The following NUP155 variants were observed in gnomAD, a reference collection of about 807,000 sequenced individuals.
NUP155 encodes the protein nucleoporin 155, also known as nuclear pore complex protein Nup155.
A neutral mutation model predicts 180.4 loss-of-function variants in NUP155; 71 were observed. That is an observed-to-expected ratio of 0.39 (90% confidence interval 0.33 to 0.48). NUP155 has a LOEUF of 0.48. NUP155 is among the 20% of genes least tolerant of loss of function. NUP155 has a pLI of 0.91. For synonymous variants in NUP155, 582 were observed against 559.5 expected (o/e 1.04, Z -0.57); for missense variants, 1,553 against 1,648.9 (o/e 0.94, Z 1.01).
intron 27 of NUP155, among the ~76,000 whole-genome samples, chr5:37,303,683 T>C (rs1430719387): frequency 1.3e-5 from 2 of 152,176 alleles, no homozygotes; most frequent in Non-Finnish European, 2.9e-5. Flanking sequence ...TGGCGACTCA[T>C]GTCTGTAATC....
chr5:37,304,724 TAAAA>T lies in NUP155; in HGVS notation c.3162+11_3162+14del. 1 of 1,528,572 alleles carries T rather than the reference TAAAA, an allele frequency of 6.5e-7. No individual in the cohort carries two copies. Among genetic ancestry groups the T allele is most frequent in the Non-Finnish European group, 9.1e-7 (1 of 1,102,792 alleles). The allele number at this position is 1,528,572 out of a possible 1,614,324, so 94.7% of individuals were successfully genotyped here. A position where few individuals can be genotyped will look rare whatever the true frequency, so the allele number is the denominator to read the frequency against. ...TTAAGAATAATTAACACAACTGCAATAAAAAAAGATTTACCTGTAGCAGCTTATC... is the reference window on the plus strand; with the variant it reads ...TTAAGAATAATTAACACAACTGCAATAAAGATTTACCTGTAGCAGCTTATC... On this transcript the variant is annotated intron_variant, in intron 27 of 34. Transcript: ENST00000231498.
intron 3 of NUP155, among the ~76,000 whole-genome samples, chr5:37,361,517 A>G (rs1169208813): frequency 6.6e-6 from 1 of 152,208 alleles, no homozygotes; most frequent in Non-Finnish European, 1.5e-5. Context: ...TATGCGGACT[A>G]GGATTCCCCA....
chr5:37,363,821 C>CA (rs1747371715), intron 3 of NUP155, 67 bp downstream of exon 3: 1 of 1,035,404 alleles, frequency 9.7e-7, no homozygotes, highest in Non-Finnish European at 1.5e-6. Flanking sequence ...CTAATGAGAA[C>CA]ACTAGCTACA....
intron 2 of NUP155, 41 bp from the exon 3 acceptor site, chr5:37,364,025 A>C: frequency 7.0e-7 from 1 of 1,437,862 alleles, no homozygotes; most frequent in Non-Finnish European, 9.8e-7. Context: ...GGTGAATCTT[A>C]TTCTTCTTTA....
chr5:37,288,921 A>C lies in NUP155; in HGVS notation c.*2979T>G, dbSNP rs78406874. On this transcript the variant is annotated 3_prime_UTR_variant, in exon 35 of 35. Coordinates refer to ENST00000231498, the MANE Select transcript of NUP155 (RefSeq NM_153485.3). ...TCTACTAAAAATACAAAAAAAAAAA[A>C]TTAGCCAGGCATGGTGGCGCATGCC... 6.6e-6 allele frequency: 1 copy of C among 151,932 alleles called. No homozygotes were observed. Among genetic ancestry groups the C allele is most frequent in the Admixed American group, 6.6e-5 (1 of 15,242 alleles). The allele number at this position is 151,932 out of a possible 1,614,324, so 9.4% of individuals were successfully genotyped here.
At chr5:37,326,106 C>T in intron 18 of NUP155, 139 bp from the exon 19 acceptor site, 1 of 667,646 alleles carries the variant, frequency 1.5e-6, no homozygotes, top group East Asian at 2.7e-5. Flanking sequence ...ACTAAGCTAT[C>T]TAGAAGAGTG....
chr5:37,350,228 A>T lies in NUP155; in HGVS notation c.761T>A (p.Ile254Lys), dbSNP rs1581198150. 2 of 1,613,816 alleles carry T rather than the reference A, an allele frequency of 1.2e-6. No individual in the cohort carries two copies. Among genetic ancestry groups the T allele is most frequent in the South Asian group, 2.2e-5 (2 of 91,082 alleles). The change falls in exon 7 of 35, where the codon ATA becomes AAA. Residue 254 changes from isoleucine (I) to lysine (K), a missense_variant. Physicochemically the swap from Ile to Lys is moderately radical, Grantham distance 102. Coordinates refer to ENST00000231498, the MANE Select transcript of NUP155 (RefSeq NM_153485.3). ...AGWFSQRCRK[I>K]NHSKSSLSFL... ...AGAAAGTGAGCTCTTTGAGTGGTTT[A>T]TTTTCCTACATCTTTGGCTAAACCA...
At chr5:37,364,053 T>C (rs937739662) in intron 2 of NUP155, 69 bp from the exon 3 acceptor site, 30 of 1,304,492 alleles carry the variant, frequency 2.3e-5, no homozygotes, top group Non-Finnish European at 3.2e-5. Context: ...TCAATAGCTT[T>C]TGACTTAATA....
intron 12 of NUP155, among the ~76,000 whole-genome samples, chr5:37,335,125 T>C (rs1188450472): frequency 7.0e-6 from 1 of 143,272 alleles, no homozygotes; most frequent in African/African-American, 2.7e-5. Flanking sequence ...GCCACTGCAC[T>C]CCAGCCTGGA....
intron 5 of NUP155, among the ~76,000 whole-genome samples, 200 bp downstream of exon 5, chr5:37,352,537 T>C (rs576135944): frequency 3.3e-5 from 5 of 151,418 alleles, no homozygotes; most frequent in Non-Finnish European, 7.4e-5. Context: ...AAAATCCGTC[T>C]CAAAAAACAA....
intron 9 of NUP155, among the ~76,000 whole-genome samples, chr5:37,346,596 C>G (rs1315967217): frequency 6.6e-6 from 1 of 151,538 alleles, no homozygotes; most frequent in African/African-American, 2.4e-5. Context: ...CGCTTGAACC[C>G]GGGAGGTGGA....
At position 37,299,762 on chromosome 5, in the gene NUP155, C is replaced by T. The variant is rs532676818; in HGVS notation, c.3562-194G>A. On this transcript the variant is annotated intron_variant, in intron 30 of 34. Transcript: ENST00000231498. ...AAAAGTTAAGGGTATGGGCCGGGTA[C>T]GGTGACTCAGGCCTGTAATCCCAGC... Among the ~76,000 whole-genome samples, 4 of 152,008 alleles carry T rather than the reference C, an allele frequency of 2.6e-5. No individual in the cohort carries two copies. The South Asian group carries it at 6.2e-4, about 24-fold the overall frequency.
chr5:37,327,914 G>A, intron 17 of NUP155, 138 bp from the exon 18 acceptor site: 1 of 872,976 alleles, frequency 1.1e-6, no homozygotes, highest in Non-Finnish European at 1.8e-6. Context: ...CCAAGTTTGT[G>A]TATCTAGACA....
chr5:37,357,399 C>CAAAAAAAAAAAAAAAAAA (rs397997409), intron 4 of NUP155, among the ~76,000 whole-genome samples: 2 of 31,296 alleles, frequency 6.4e-5, no homozygotes, highest in African/African-American at 1.4e-4. Flanking sequence ...ACCTTAATCT[C>CAAAAAAAAAAAAAAAAAA]AAAAAAAAAA....
At chr5:37,354,391 C>T (rs962458338) in intron 4 of NUP155, among the ~76,000 whole-genome samples, 5 of 151,918 alleles carry the variant, frequency 3.3e-5, no homozygotes, top group Admixed American at 6.6e-5. Flanking sequence ...TTGATCCACC[C>T]GCCCCAGCCT....
chr5:37,339,382 CT>C (rs1359633251), intron 11 of NUP155, among the ~76,000 whole-genome samples: 1 of 150,976 alleles, frequency 6.6e-6, no homozygotes, highest in Non-Finnish European at 1.5e-5. Context: ...AATCCTAGCG[CT>C]TTGGGAGGCA....
chr5:37,342,429 A>G lies in NUP155; in HGVS notation c.1093+120T>C, dbSNP rs1301170984. The stretch of plus-strand genomic sequence containing the variant: ...TTCAAAATCCTTTATTTTACAAACT[A>G]TTTATATGGCTTTACGGCAGATATA... On this transcript the variant is annotated intron_variant, in intron 10 of 34. Coordinates refer to ENST00000231498, the MANE Select transcript of NUP155 (RefSeq NM_153485.3). 1.8e-5 allele frequency: 12 copies of G among 671,458 alleles called. No individual in the cohort carries two copies. The Admixed American group carries it at 2.2e-4, about 12-fold the overall frequency. 41.6% of individuals were successfully genotyped at this position (671,458 alleles called of 1,614,324 possible).
rs1001980661 is a variant in NUP155 at position 37,363,682 on chromosome 5, A to G, written c.392+206T>C. Among the ~76,000 whole-genome samples the G allele has an allele frequency of 2.0e-5, 3 of 152,200 alleles. No individual in the cohort carries two copies. The East Asian group carries it at 5.8e-4, about 29-fold the overall frequency. The stretch of plus-strand genomic sequence containing the variant: ...CAGCAGCAGCAGTTGGCAGCTTGTT[A>G]GAAATGCAGACTCTTGAGCCTCACT... On this transcript the variant is annotated intron_variant, in intron 3 of 34. Transcript: ENST00000231498.
intron 1 of NUP155, among the ~76,000 whole-genome samples, chr5:37,369,432 A>G (rs141725559): frequency 1.1e-3 from 166 of 152,378 alleles, no homozygotes; most frequent in Non-Finnish European, 2.1e-3. Context: ...CTCTGTAATC[A>G]GAGCAACGGA....
Sources: allele counts gnomAD v4.1 joint callset (sites outside exome capture counted in the v4.1 genomes callset), GRCh38; gene constraint gnomAD v4.1.1; transcripts MANE v1.5; gene names NCBI Gene and HGNC (gene_info 2026-07-23, HGNC 2026-07-21).